Variants in LRIG2 observed in about 807,000 individuals in gnomAD.
The protein encoded by LRIG2 is leucine-rich repeats and immunoglobulin-like domains protein 2.
LRIG2 carries 93 observed loss-of-function variants against 107.8 expected under a neutral mutation model. That is an observed-to-expected ratio of 0.86 (90% confidence interval 0.73 to 1.03). LRIG2 has a LOEUF of 1.03. LRIG2 is among the 50% of genes least tolerant of loss of function. The probability of loss-of-function intolerance (pLI) is 0.00; values close to 1 mark genes in which losing one functional copy is unlikely to be tolerated. For missense variants in LRIG2, 1,226 were observed against 1,296.0 expected (o/e 0.95, Z 0.83); for synonymous variants, 471 against 470.6 (o/e 1.00, Z -0.01).
intron 11 of LRIG2, among the ~76,000 whole-genome samples, chr1:113,102,965 A>T (rs1261363215): frequency 6.6e-6 from 1 of 151,862 alleles, no homozygotes; most frequent in Non-Finnish European, 1.5e-5. Context: ...TAGTTTAATT[A>T]TAAGTTGTGA....
At chr1:113,102,201 C>G (rs1055430611) in intron 11 of LRIG2, among the ~76,000 whole-genome samples, 1 of 152,016 alleles carries the variant, frequency 6.6e-6, no homozygotes, top group Non-Finnish European at 1.5e-5. Flanking sequence ...TAAATATCTA[C>G]AATTTTTTTG....
chr1:113,080,844 T>G (rs921999384), intron 1 of LRIG2, among the ~76,000 whole-genome samples: 1 of 147,226 alleles, frequency 6.8e-6, no homozygotes, highest in African/African-American at 2.5e-5. Context: ...AAGTTTTTTT[T>G]TTTTTTTTTT....
chr1:113,098,924 TG>T, intron 9 of LRIG2, 139 bp downstream of exon 9: 3 of 588,500 alleles, frequency 5.1e-6, no homozygotes, highest in Non-Finnish European at 9.0e-6. Context: ...GGGGTTTCTT[TG>T]TTTGTTTGTT....
At position 113,093,519 on chromosome 1, in the gene LRIG2, C is replaced by G; in HGVS notation, c.470C>G (p.Ser157Ter). The G allele has an allele frequency of 6.2e-7, 1 of 1,607,610 alleles. No individual in the cohort carries two copies. Among genetic ancestry groups the G allele is most frequent in the Non-Finnish European group, 8.5e-7 (1 of 1,176,328 alleles). ...ESLDLSSNII[S>*]EIKTSSFPRM... ...TTAGACCTCAGCTCAAATATAATAT[C>G]AGAAATCAAGACATCTTCATTTCCT... Residue 157 changes from serine (S) to a stop codon, truncating the protein, a stop_gained, in exon 4 of 18, where the codon TCA becomes TGA. Transcript: ENST00000361127. LOFTEE classifies it high-confidence loss of function.
chr1:113,090,920 T>C (rs1653790776), intron 1 of LRIG2, among the ~76,000 whole-genome samples: 1 of 151,554 alleles, frequency 6.6e-6, no homozygotes, highest in Admixed American at 6.6e-5. Context: ...GACGTGAACT[T>C]GGCTCACTGC....
rs1281236254 is a variant in LRIG2 at position 113,114,793 on chromosome 1, G to A, written c.2447G>A (p.Cys816Tyr). The part of the protein sequence containing the change: ...VGIVIIVVVC[C>Y]VVGTSLIWVI... ...ATTGTCATCATTGTTGTGGTCTGCT[G>A]TGTTGTTGGCACTTCTTTGATCTGG... is the stretch of plus-strand genomic sequence containing the variant. Residue 816 changes from cysteine to tyrosine, a missense_variant, in exon 15 of 18, where the codon TGT becomes TAT. This residue lies in a region of LRIG2 where 642 missense variants were observed against 712.2 expected (regional missense o/e 0.90). Transcript: ENST00000361127. The A allele has an allele frequency of 1.2e-6, 2 of 1,614,048 alleles. No homozygotes were observed. The highest frequency in any genetic ancestry group is 1.3e-5 in the African/African-American group (1 of 74,924).
chr1:113,089,199 C>CT (rs1419908689), intron 1 of LRIG2, among the ~76,000 whole-genome samples: 1 of 152,220 alleles, frequency 6.6e-6, no homozygotes, highest in Non-Finnish European at 1.5e-5. Flanking sequence ...ATAAAGTGAT[C>CT]TGTAATGTTT....
intron 1 of LRIG2, among the ~76,000 whole-genome samples, chr1:113,084,506 C>T (rs559653464): frequency 2.6e-3 from 399 of 152,186 alleles, no homozygotes; most frequent in African/African-American, 9.2e-3. Context: ...TGAGCCACCG[C>T]GCCCGGCATA....
chr1:113,110,690 T>C, intron 13 of LRIG2, 128 bp downstream of exon 13: 1 of 720,118 alleles, frequency 1.4e-6, no homozygotes, highest in Non-Finnish European at 2.2e-6. Flanking sequence ...GTCTTTTGAG[T>C]TGTGATAACT....
chr1:113,115,801 C>T (rs1002420440), intron 15 of LRIG2, among the ~76,000 whole-genome samples: 1 of 152,226 alleles, frequency 6.6e-6, no homozygotes, highest in African/African-American at 2.4e-5. Context: ...GCTGGGATTA[C>T]AAGCGTGAGC....
chr1:113,092,942 T>G (rs1653889149), intron 2 of LRIG2, among the ~76,000 whole-genome samples: 1 of 151,454 alleles, frequency 6.6e-6, no homozygotes, highest in African/African-American at 2.4e-5. Context: ...TGAGCCAAGA[T>G]TGCACCATTG....
intron 1 of LRIG2, 122 bp downstream of exon 1, chr1:113,073,767 A>C: frequency 1.1e-6 from 1 of 878,060 alleles, no homozygotes; most frequent in South Asian, 1.7e-5. Context: ...TCTGAAGGAA[A>C]CTGCCGTCAG....
At chr1:113,112,380 G>A in intron 13 of LRIG2, 99 bp from the exon 14 acceptor site, 1 of 978,722 alleles carries the variant, frequency 1.0e-6, no homozygotes, top group Non-Finnish European at 1.5e-6. Context: ...GGAACATTAG[G>A]GGGTGTCTTG....
chr1:113,124,378 G>A lies in LRIG2; in HGVS notation c.*277G>A. 1 of 477,568 alleles carries A rather than the reference G, an allele frequency of 2.1e-6. No individual in the cohort carries two copies. Among genetic ancestry groups the A allele is most frequent in the South Asian group, 2.2e-5 (1 of 44,778 alleles). 29.6% of individuals were successfully genotyped at this position (477,568 alleles called of 1,614,324 possible). On this transcript the variant is annotated 3_prime_UTR_variant, in exon 18 of 18. Transcript: ENST00000361127. ...CTTCCTGATGCTTCCATGGGGATGT[G>A]CCCTGGTGTGCATCTGCTTGTCAGG... is the stretch of plus-strand genomic sequence containing the variant.
chr1:113,084,579 C>G (rs1653461941), intron 1 of LRIG2, among the ~76,000 whole-genome samples: 1 of 151,924 alleles, frequency 6.6e-6, no homozygotes, highest in African/African-American at 2.4e-5. Context: ...AGATTAACGT[C>G]CTAATTATGT....
At chr1:113,076,619 T>C (rs1417413983) in intron 1 of LRIG2, among the ~76,000 whole-genome samples, 1 of 152,246 alleles carries the variant, frequency 6.6e-6, no homozygotes, top group Non-Finnish European at 1.5e-5. Context: ...AGCAGTTGCC[T>C]TTAGCTATAA....
intron 16 of LRIG2, 87 bp downstream of exon 16, chr1:113,116,523 C>A: frequency 7.7e-7 from 1 of 1,296,702 alleles, no homozygotes; most frequent in South Asian, 1.5e-5. Flanking sequence ...TAATCTGAAG[C>A]AATATTTTAA....
chr1:113,096,168 G>T, intron 7 of LRIG2, 54 bp from the exon 8 acceptor site: 1 of 1,594,558 alleles, frequency 6.3e-7, no homozygotes, highest in Admixed American at 1.8e-5. Flanking sequence ...AATAAGAATT[G>T]TAAGTTGAAC....
chr1:113,074,142 G>A (rs966246174), intron 1 of LRIG2, among the ~76,000 whole-genome samples: 5 of 152,148 alleles, frequency 3.3e-5, no homozygotes, highest in Non-Finnish European at 5.9e-5. Context: ...CATGTTGGCT[G>A]ATTTTGTGCT....
Sources: gnomAD v4.1 joint callset for allele counts (sites outside exome capture counted in the v4.1 genomes callset) on GRCh38, gnomAD v4.1.1 for gene constraint, gnomAD v4.1.1 regional missense constraint, MANE v1.5 for transcripts, NCBI Gene and HGNC (gene_info 2026-07-23, HGNC 2026-07-21) for gene names.